The following ZBTB20 variants were observed in gnomAD, a reference collection of about 807,000 sequenced individuals.
The protein encoded by ZBTB20 is zinc finger and BTB domain-containing protein 20.
In ZBTB20, 9 loss-of-function variants were observed where a neutral mutation model predicts 56.9. The observed-to-expected ratio is 0.16, with a 90% CI of 0.10 to 0.28. The LOEUF (loss-of-function observed/expected upper bound fraction) is 0.28. Among genes scored for constraint, ZBTB20 ranks in the 10% least tolerant of loss-of-function variants. ZBTB20 has a pLI of 1.00. For missense variants in ZBTB20, 655 were observed against 1,003.0 expected, an observed-to-expected ratio of 0.65 and a Z score of 4.69; for synonymous variants, 417 against 420.7, an observed-to-expected ratio of 0.99 and a Z score of 0.11.
chr3:114,400,398 T>A (rs1389139144), intron 7 of ZBTB20, among the ~76,000 whole-genome samples: 1 of 151,996 alleles, frequency 6.6e-6, no homozygotes, highest in African/African-American at 2.4e-5. Context: ...TAGTGTGGAG[T>A]ACTGAATCAA....
chr3:114,458,594 A>T (rs2092161806), intron 7 of ZBTB20, among the ~76,000 whole-genome samples: 1 of 152,188 alleles, frequency 6.6e-6, no homozygotes, highest in Non-Finnish European at 1.5e-5. Flanking sequence ...AGTTTCCAGT[A>T]TAAAAAAATA....
chr3:115,104,472 T>C (rs548588234), intron 1 of ZBTB20, among the ~76,000 whole-genome samples: 24 of 152,306 alleles, frequency 1.6e-4, no homozygotes, highest in African/African-American at 5.3e-4. Context: ...AATGGATAAA[T>C]TATGGTACAT....
intron 7 of ZBTB20, among the ~76,000 whole-genome samples, chr3:114,478,186 G>A (rs1183665999): frequency 6.6e-6 from 1 of 151,808 alleles, no homozygotes. Context: ...GGCTGGTCTC[G>A]AACTCCTGAC....
At chr3:114,392,323 T>C (rs994311566) in intron 7 of ZBTB20, among the ~76,000 whole-genome samples, 1 of 152,198 alleles carries the variant, frequency 6.6e-6, no homozygotes, top group Non-Finnish European at 1.5e-5. Flanking sequence ...TAAGAGGATA[T>C]ATGCCCCGTT....
rs1217243237 is a variant in ZBTB20, at chr3:114,897,224, A to C, written c.-417+3080T>G. Among the ~76,000 whole-genome samples, 5 of 152,264 alleles carry C rather than the reference A, an allele frequency of 3.3e-5. No homozygotes were observed. In the East Asian group the frequency reaches 9.7e-4, roughly 29 times the overall value. ...AGACCATACTAATAATAAGTGGTGA[A>C]GTCAAAAAGAACTCTATTGATATAT... On this transcript the variant is annotated intron_variant, in intron 4 of 11. Transcript: ENST00000675478.
intron 6 of ZBTB20, among the ~76,000 whole-genome samples, chr3:114,662,298 C>A (rs2060780986): frequency 6.6e-6 from 1 of 151,118 alleles, no homozygotes; most frequent in African/African-American, 2.4e-5. Context: ...TTAATCCAGT[C>A]TATCATTGTT....
At chr3:114,373,394 C>G (rs1461407391) in intron 10 of ZBTB20, among the ~76,000 whole-genome samples, 1 of 152,188 alleles carries the variant, frequency 6.6e-6, no homozygotes, top group Non-Finnish European at 1.5e-5. Context: ...TACAAATCTT[C>G]CCATGATTAA....
At chr3:115,105,169 G>T (rs138715557) in intron 1 of ZBTB20, among the ~76,000 whole-genome samples, 6 of 147,276 alleles carry the variant, frequency 4.1e-5, no homozygotes, top group African/African-American at 1.6e-4. Flanking sequence ...TTAAAAGGAC[G>T]GAATTGAACA....
At chr3:114,708,073 G>C (rs1007990115) in intron 5 of ZBTB20, among the ~76,000 whole-genome samples, 1 of 152,040 alleles carries the variant, frequency 6.6e-6, no homozygotes, top group African/African-American at 2.4e-5. Flanking sequence ...CTTTCTTTTT[G>C]TTATTTGTTT....
rs1179499326 is a variant in ZBTB20, at chr3:114,692,977, T to C, written c.-295+551A>G. The stretch of plus-strand genomic sequence containing the variant: ...TTGTTGGTAAGTACAAGAGCAACCA[T>C]GTCTAATTTTAAGATTGATCCAAAT... On this transcript the variant is annotated intron_variant, in intron 6 of 11. Coordinates refer to ENST00000675478, the MANE Select transcript of ZBTB20 (RefSeq NM_001348800.3). 2.0e-5 allele frequency among the ~76,000 whole-genome samples: 3 copies of C among 152,162 alleles called. No homozygotes were observed. In the East Asian group the frequency reaches 5.8e-4, roughly 29 times the overall value.
intron 5 of ZBTB20, among the ~76,000 whole-genome samples, chr3:114,768,569 T>C (rs1484420068): frequency 6.6e-6 from 1 of 152,130 alleles, no homozygotes; most frequent in Non-Finnish European, 1.5e-5. Flanking sequence ...AATAAACTAA[T>C]TTCAATGTTT....
intron 2 of ZBTB20, among the ~76,000 whole-genome samples, chr3:114,999,559 T>C (rs755251881): frequency 1.3e-5 from 2 of 151,704 alleles, no homozygotes; most frequent in Non-Finnish European, 3.0e-5. Context: ...TCCTCAAATA[T>C]TTATATTCGA....
At chr3:114,716,575 T>C (rs1474318174) in intron 5 of ZBTB20, among the ~76,000 whole-genome samples, 1 of 152,134 alleles carries the variant, frequency 6.6e-6, no homozygotes, top group Non-Finnish European at 1.5e-5. Flanking sequence ...CTTTGCCATA[T>C]TTGCCTCCTA....
intron 4 of ZBTB20, among the ~76,000 whole-genome samples, chr3:114,884,912 G>C (rs546678592): frequency 1.3e-5 from 2 of 152,180 alleles, no homozygotes; most frequent in East Asian, 3.9e-4. Context: ...CCTGGTACCA[G>C]AGCAGACAAT....
chr3:114,922,321 C>T (rs1344408000), intron 3 of ZBTB20, among the ~76,000 whole-genome samples: 2 of 151,904 alleles, frequency 1.3e-5, no homozygotes, highest in East Asian at 3.9e-4. Flanking sequence ...TATTGGAATT[C>T]TTAGCCAGAG....
intron 2 of ZBTB20, among the ~76,000 whole-genome samples, chr3:115,058,100 CG>C (rs967086225): frequency 6.6e-6 from 1 of 152,000 alleles, no homozygotes; most frequent in African/African-American, 2.4e-5. Flanking sequence ...TAACCACTCC[CG>C]TGATTAAATT....
In ZBTB20 at chr3:115,039,874, T is replaced by C. The variant is rs6805816; in HGVS notation, c.-507+31345A>G. 4.1e-3 allele frequency among the ~76,000 whole-genome samples: 626 copies of C among 152,184 alleles called. 6 individuals are homozygous for C. The highest frequency in any genetic ancestry group is 0.014 in the African/African-American group (585 of 41,562). ...AGATATAAATTATGGCCATCTATTTTACAGCATGAAAACACATAGTTGGTA... is the reference window on the plus strand; with the variant it reads ...AGATATAAATTATGGCCATCTATTTCACAGCATGAAAACACATAGTTGGTA... On this transcript the variant is annotated intron_variant, in intron 2 of 11. Coordinates refer to ENST00000675478, the MANE Select transcript of ZBTB20 (RefSeq NM_001348800.3).
At chr3:115,057,048 TTAAACA>T (rs2081822823) in intron 2 of ZBTB20, among the ~76,000 whole-genome samples, 1 of 152,118 alleles carries the variant, frequency 6.6e-6, no homozygotes, top group African/African-American at 2.4e-5. Flanking sequence ...CTCTAATTAC[TTAAACA>T]TAATTTTCAA....
intron 3 of ZBTB20, among the ~76,000 whole-genome samples, chr3:114,957,550 T>A (rs2107950761): frequency 6.6e-6 from 1 of 152,324 alleles, no homozygotes; most frequent in East Asian, 1.9e-4. Context: ...CCTAACAGCA[T>A]TTCTCTACAG....
Sources: allele counts gnomAD v4.1 joint callset (sites outside exome capture counted in the v4.1 genomes callset), GRCh38; gene constraint gnomAD v4.1.1; transcripts MANE v1.5; gene names NCBI Gene and HGNC (gene_info 2026-07-23, HGNC 2026-07-21).